The following AUTS2 variants were observed in gnomAD, a reference collection of about 807,000 sequenced individuals.
The protein encoded by AUTS2 is activator of transcription and developmental regulator AUTS2.
AUTS2 carries 17 observed loss-of-function variants against 112.4 expected under a neutral mutation model. The observed-to-expected ratio is 0.15, with a 90% CI of 0.10 to 0.23. AUTS2 has a LOEUF of 0.23. Ranked by LOEUF, AUTS2 falls within the 10% of genes least tolerant of loss-of-function variation. AUTS2 has a pLI of 1.00. For missense variants in AUTS2, 1,510 were observed against 1,701.6 expected (o/e 0.89, Z 1.98); for synonymous variants, 751 against 702.7 (o/e 1.07, Z -1.09).
At chr7:69,817,031 A>G (rs1260551255) in intron 1 of AUTS2, among the ~76,000 whole-genome samples, 1 of 152,206 alleles carries the variant, frequency 6.6e-6, no homozygotes, top group Non-Finnish European at 1.5e-5. Context: ...CTATCTAGGA[A>G]GGCTGTTGTG....
intron 6 of AUTS2, among the ~76,000 whole-genome samples, chr7:70,756,935 C>T (rs1789247979): frequency 6.6e-6 from 1 of 152,202 alleles, no homozygotes; most frequent in South Asian, 2.1e-4. Context: ...TTAGGAAGTG[C>T]ATTGAGATGT....
chr7:69,762,759 T>TA (rs1330719222), intron 1 of AUTS2, among the ~76,000 whole-genome samples: 1 of 152,164 alleles, frequency 6.6e-6, no homozygotes, highest in East Asian at 1.9e-4. Context: ...TCATGCCATT[T>TA]AAAAAAAAGT....
intron 5 of AUTS2, among the ~76,000 whole-genome samples, chr7:70,484,698 T>A (rs1178440581): frequency 6.6e-6 from 1 of 152,316 alleles, no homozygotes; most frequent in East Asian, 1.9e-4. Flanking sequence ...AGTGAGATTG[T>A]AGGTTTAGGA....
chr7:70,120,727 C>T (rs147018501), intron 3 of AUTS2, among the ~76,000 whole-genome samples: 113 of 152,196 alleles, frequency 7.4e-4, no homozygotes, highest in African/African-American at 2.7e-3. Flanking sequence ...AAAAGACATT[C>T]CATATTCATG....
At chr7:69,912,145 C>T (rs895227787) in intron 2 of AUTS2, among the ~76,000 whole-genome samples, 2 of 152,088 alleles carry the variant, frequency 1.3e-5, no homozygotes, top group African/African-American at 2.4e-5. Flanking sequence ...GCATGCCTGG[C>T]CAGGTTGTGA....
intron 4 of AUTS2, among the ~76,000 whole-genome samples, chr7:70,239,965 A>G (rs1812525175): frequency 6.6e-6 from 1 of 152,164 alleles, no homozygotes; most frequent in African/African-American, 2.4e-5. Context: ...AACGGTAGGT[A>G]AGGAATCATT....
At chr7:70,170,159 A>AT (rs34556589) in intron 4 of AUTS2, among the ~76,000 whole-genome samples, 29,250 of 132,832 alleles carry the variant, frequency 0.22, 3,236 homozygotes, top group Middle Eastern at 0.28. Context: ...AAATGCAAGT[A>AT]TTTTTTTTTT....
At chr7:69,850,155 C>T (rs563976216) in intron 1 of AUTS2, among the ~76,000 whole-genome samples, 4 of 151,404 alleles carry the variant, frequency 2.6e-5, no homozygotes, top group East Asian at 1.9e-4. Context: ...ATAAATTAGC[C>T]GGGCGTAGTG....
intron 2 of AUTS2, among the ~76,000 whole-genome samples, chr7:70,046,205 C>G (rs1291143860): frequency 1.3e-5 from 2 of 152,096 alleles, no homozygotes; most frequent in Non-Finnish European, 2.9e-5. Flanking sequence ...AAGTTCTCAT[C>G]TAATAGGGTG....
intron 13 of AUTS2, among the ~76,000 whole-genome samples, chr7:70,776,328 G>A (rs1284804534): frequency 6.6e-6 from 1 of 152,134 alleles, no homozygotes; most frequent in African/African-American, 2.4e-5. Context: ...GTCCCTGCCC[G>A]CTGACTGGTA....
rs138420288 is a variant in AUTS2 at position 70,449,444 on chromosome 7, CG to C, written c.690+13666del. On this transcript the variant is annotated intron_variant, in intron 5 of 18. Transcript: ENST00000342771. ...GATTGGTCAGTTATGGGTAGAGAGA[CG>C]GGACCATGTTGTCCAAATGTGCTTC... Among the ~76,000 whole-genome samples the C allele has an allele frequency of 3.0e-3, 460 of 152,258 alleles. 1 individual carries two copies. The highest frequency in any genetic ancestry group is 0.01 in the African/African-American group (433 of 41,556).
At chr7:70,528,302 A>AC (rs1337544795) in intron 5 of AUTS2, among the ~76,000 whole-genome samples, 85 of 151,432 alleles carry the variant, frequency 5.6e-4, no homozygotes, top group African/African-American at 1.8e-3. Flanking sequence ...TAAAAAAAAA[A>AC]CCCAGGTAAT....
intron 5 of AUTS2, among the ~76,000 whole-genome samples, chr7:70,603,503 CCTCCTGCAGCCTGTGCTGTGCT>C (rs146739200): frequency 0.016 from 2,487 of 152,298 alleles, 66 homozygotes; most frequent in African/African-American, 0.057. Flanking sequence ...TGTGCTGTGC[CCTCCTGCAGCCTGTGCTGTGCT>C]CTCCTACTCC....
chr7:70,770,148 G>A (rs540814090), intron 10 of AUTS2, among the ~76,000 whole-genome samples: 1 of 152,240 alleles, frequency 6.6e-6, no homozygotes, highest in South Asian at 2.1e-4. Flanking sequence ...TGGGGATTAG[G>A]ACATTATAAG....
chr7:70,621,108 C>G (rs1005665515), intron 5 of AUTS2, among the ~76,000 whole-genome samples: 1 of 152,214 alleles, frequency 6.6e-6, no homozygotes, highest in African/African-American at 2.4e-5. Context: ...AAGGGAAAAG[C>G]TCCAGTCCAC....
chr7:69,626,948 G>T (rs1391306222), intron 1 of AUTS2, among the ~76,000 whole-genome samples: 2 of 152,146 alleles, frequency 1.3e-5, no homozygotes, highest in Non-Finnish European at 2.9e-5. Context: ...GATTAGTTTT[G>T]TTTAGGAAGA....
intron 5 of AUTS2, among the ~76,000 whole-genome samples, chr7:70,454,824 G>T (rs1263424762): frequency 6.6e-6 from 1 of 152,176 alleles, no homozygotes; most frequent in Non-Finnish European, 1.5e-5. Context: ...GCACACTACT[G>T]GACCTCTCTA....
At chr7:70,100,001 TA>T (rs536401865) in intron 2 of AUTS2, among the ~76,000 whole-genome samples, 36 of 148,960 alleles carry the variant, frequency 2.4e-4, no homozygotes, top group South Asian at 1.9e-3. Flanking sequence ...AGAACAGCAG[TA>T]AAAAAAAAAT....
At chr7:69,631,175 CT>C (rs879307779) in intron 1 of AUTS2, among the ~76,000 whole-genome samples, 287 of 144,852 alleles carry the variant, frequency 2.0e-3, no homozygotes, top group Middle Eastern at 3.5e-3. Context: ...TGTGTACACA[CT>C]TTTTTTTTTT....
Sources: gnomAD v4.1 joint callset for allele counts (sites outside exome capture counted in the v4.1 genomes callset) on GRCh38, gnomAD v4.1.1 for gene constraint, MANE v1.5 for transcripts, NCBI Gene and HGNC (gene_info 2026-07-23, HGNC 2026-07-21) for gene names.